The following APBA1 variants were observed in gnomAD, a reference collection of about 807,000 sequenced individuals.
APBA1 encodes the protein amyloid beta precursor protein binding family A member 1.
A neutral mutation model predicts 86.6 loss-of-function variants in APBA1; 55 were observed. The ratio of observed to expected loss-of-function variants is 0.64; its 90% CI spans 0.51 to 0.80. The LOEUF (loss-of-function observed/expected upper bound fraction) is 0.80. Among genes scored for constraint, APBA1 ranks in the 30% least tolerant of loss-of-function variants. The pLI, the probability that APBA1 is intolerant of heterozygous loss-of-function variation, is 0.00. For missense variants in APBA1, 1,090 were observed against 1,183.0 expected (o/e 0.92, Z 1.15); for synonymous variants, 511 against 493.9 (o/e 1.03, Z -0.46).
chr9:69,481,360 C>T, intron 2 of APBA1, among the ~76,000 whole-genome samples: 1 of 152,056 alleles, frequency 6.6e-6, no homozygotes. Flanking sequence ...TGAGCGAACT[C>T]CCATTCACAA....
chr9:69,659,150 T>C (rs1477919440), intron 1 of APBA1, among the ~76,000 whole-genome samples: 2 of 152,178 alleles, frequency 1.3e-5, no homozygotes, highest in Non-Finnish European at 2.9e-5. Flanking sequence ...CACCAACTTA[T>C]ACAGACCTTC....
intron 11 of APBA1, among the ~76,000 whole-genome samples, chr9:69,440,264 C>G (rs1001343518): frequency 7.2e-5 from 11 of 152,202 alleles, no homozygotes; most frequent in African/African-American, 2.7e-4. Context: ...TGCCCATTCT[C>G]AGATCTCAAG....
chr9:69,439,684 C>T (rs9722283), intron 11 of APBA1, among the ~76,000 whole-genome samples: 1 of 152,106 alleles, frequency 6.6e-6, no homozygotes, highest in Non-Finnish European at 1.5e-5. Context: ...ATCCATTCGT[C>T]TAATTTTTTT....
chr9:69,567,474 G>A (rs965541095), intron 1 of APBA1, among the ~76,000 whole-genome samples: 2 of 151,830 alleles, frequency 1.3e-5, no homozygotes, highest in African/African-American at 2.4e-5. Context: ...TCCACAACGT[G>A]CAGGTTTGTT....
intron 1 of APBA1, among the ~76,000 whole-genome samples, chr9:69,670,695 A>T (rs539848485): frequency 2.0e-5 from 3 of 152,280 alleles, no homozygotes; most frequent in Non-Finnish European, 4.4e-5. Context: ...AAACAGCCAT[A>T]GACTCTGGAT....
At position 69,429,907 on chromosome 9, in the gene APBA1, C is replaced by T. The variant is rs1261264217; in HGVS notation, c.*1420G>A. 6.6e-6 allele frequency: 1 copy of T among 152,060 alleles called. No individual in the cohort carries two copies. The highest frequency in any genetic ancestry group is 2.4e-5 in the African/African-American group (1 of 41,388). The allele number at this position is 152,060 out of a possible 1,614,324, so 9.4% of individuals were successfully genotyped here. ...AAAGCCAAATCACACCTCACATGAA[C>T]ACAAAATGCTCTTTGGACCAAGTGA... On this transcript the variant is annotated 3_prime_UTR_variant, in exon 13 of 13. Transcript: ENST00000265381.
intron 1 of APBA1, among the ~76,000 whole-genome samples, chr9:69,571,649 T>C (rs1837115908): frequency 6.6e-6 from 1 of 152,246 alleles, no homozygotes; most frequent in Non-Finnish European, 1.5e-5. Context: ...TATTTATCAT[T>C]AGACAATGGA....
chr9:69,633,116 TTTA>T (rs1467173861), intron 1 of APBA1, among the ~76,000 whole-genome samples: 1 of 117,810 alleles, frequency 8.5e-6, no homozygotes, highest in Admixed American at 8.2e-5. Flanking sequence ...AACTGTGTCT[TTTA>T]TTTTATTTTA....
chr9:69,537,654 T>G (rs1452924672), intron 1 of APBA1, among the ~76,000 whole-genome samples: 1 of 152,146 alleles, frequency 6.6e-6, no homozygotes, highest in East Asian at 1.9e-4. Flanking sequence ...TCAATTTATT[T>G]AATTGTTGTC....
chr9:69,517,358 A>T (rs1033991820), intron 1 of APBA1, 79 bp from the exon 2 acceptor site: 3 of 1,284,564 alleles, frequency 2.3e-6, no homozygotes, highest in Non-Finnish European at 3.0e-6. Flanking sequence ...AACCATAAAA[A>T]CAACTGCTAT....
intron 1 of APBA1, among the ~76,000 whole-genome samples, chr9:69,574,748 A>C (rs1413193360): frequency 6.6e-6 from 1 of 152,158 alleles, no homozygotes; most frequent in Non-Finnish European, 1.5e-5. Flanking sequence ...AACAAGCAAA[A>C]ATACTGCTTC....
chr9:69,604,440 G>A (rs1822422947), intron 1 of APBA1, among the ~76,000 whole-genome samples: 1 of 148,822 alleles, frequency 6.7e-6, no homozygotes, highest in African/African-American at 2.5e-5. Context: ...GAGAGTAAGT[G>A]GAGAGGCAAA....
rs1303149982 is a variant in APBA1, at chr9:69,430,589, CTGTGTT to C, written c.*732_*737del. Reference sequence around the variant, plus strand: ...AGAGAGAGAAGCAGACAGTACCTGCCTGTGTTTATCTAATGGTTGATAACTTGAGGA... The same window carrying C: ...AGAGAGAGAAGCAGACAGTACCTGCCTATCTAATGGTTGATAACTTGAGGA... On this transcript the variant is annotated 3_prime_UTR_variant, in exon 13 of 13. Transcript: ENST00000265381. The C allele has an allele frequency of 2.6e-5, 4 of 152,244 alleles. No individual in the cohort carries two copies. The highest frequency in any genetic ancestry group is 5.9e-5 in the Non-Finnish European group (4 of 68,162). 9.4% of individuals were successfully genotyped at this position (152,244 alleles called of 1,614,324 possible). A position where few individuals can be genotyped will look rare whatever the true frequency, so the allele number is the denominator to read the frequency against.
chr9:69,638,233 T>C (rs1389851917), intron 1 of APBA1, among the ~76,000 whole-genome samples: 2 of 151,912 alleles, frequency 1.3e-5, no homozygotes, highest in Admixed American at 1.3e-4. Flanking sequence ...ATATTTTGTT[T>C]TTGTTTTTGT....
At chr9:69,542,448 T>C (rs1251050467) in intron 1 of APBA1, among the ~76,000 whole-genome samples, 2 of 152,268 alleles carry the variant, frequency 1.3e-5, no homozygotes, top group African/African-American at 2.4e-5. Flanking sequence ...TTCTCTGCCT[T>C]GAGCGCTCAT....
chr9:69,573,739 C>A (rs375143556), intron 1 of APBA1, among the ~76,000 whole-genome samples: 30 of 152,314 alleles, frequency 2.0e-4, no homozygotes, highest in African/African-American at 6.3e-4. Flanking sequence ...GCGCCTGGGT[C>A]CCTGGTGATG....
chr9:69,626,766 T>G (rs1400566467), intron 1 of APBA1, among the ~76,000 whole-genome samples: 1 of 152,136 alleles, frequency 6.6e-6, no homozygotes, highest in Admixed American at 6.6e-5. Context: ...TATGATTTTA[T>G]GTTCATGTCC....
At position 69,621,743 on chromosome 9, in the gene APBA1, A is replaced by G. The variant is rs1411152050; in HGVS notation, c.-70+50410T>C. The stretch of plus-strand genomic sequence containing the variant: ...ACAAGGCACTAAGTGGGTATTGGCC[A>G]TCATTACAACTCTTCTTTATGAATA... On this transcript the variant is annotated intron_variant, in intron 1 of 12. Transcript: ENST00000265381. Among the ~76,000 whole-genome samples the G allele has an allele frequency of 2.0e-5, 3 of 152,220 alleles. No individual in the cohort carries two copies. In the South Asian group the frequency reaches 6.2e-4, roughly 32 times the overall value.
chr9:69,491,924 C>G (rs144508928), intron 2 of APBA1, among the ~76,000 whole-genome samples: 141 of 151,974 alleles, frequency 9.3e-4, no homozygotes, highest in African/African-American at 3.4e-3. Flanking sequence ...ACCACCACAC[C>G]CAGCCAATTT....
Sources: gnomAD v4.1 joint callset for allele counts (sites outside exome capture counted in the v4.1 genomes callset) on GRCh38, gnomAD v4.1.1 for gene constraint, MANE v1.5 for transcripts, NCBI Gene and HGNC (gene_info 2026-07-23, HGNC 2026-07-21) for gene names.